TXNL1: variants seen among roughly 807,000 people sequenced by gnomAD.
TXNL1 encodes the protein thioredoxin like 1.
A neutral mutation model predicts 35.5 loss-of-function variants in TXNL1; 14 were observed. That is an observed-to-expected ratio of 0.39 (90% CI 0.26 to 0.62). TXNL1 has a LOEUF of 0.62. TXNL1 is among the 20% of genes least tolerant of loss of function. The pLI, the probability that TXNL1 is intolerant of heterozygous loss-of-function variation, is 0.47. For missense variants in TXNL1, 263 were observed against 349.7 expected, an observed-to-expected ratio of 0.75 and a Z score of 1.98; for synonymous variants, 110 against 115.5, an observed-to-expected ratio of 0.95 and a Z score of 0.31.
intron 1 of TXNL1, 97 bp downstream of exon 1, chr18:56,638,246 C>G (rs1213894994): frequency 4.5e-6 from 6 of 1,321,486 alleles, no homozygotes; most frequent in Non-Finnish European, 6.2e-6. Flanking sequence ...CCGGACACTC[C>G]GGGGCAGCAG....
At chr18:56,610,861 C>T (rs1352199632) in intron 7 of TXNL1, 132 bp downstream of exon 7, 2 of 575,706 alleles carry the variant, frequency 3.5e-6, no homozygotes, top group Admixed American at 4.1e-5. Flanking sequence ...CTAGTTTAGC[C>T]TTGTAAAATT....
rs996085987 is a variant in TXNL1 at position 56,630,169 on chromosome 18, C to T, written c.99-3712G>A. On this transcript the variant is annotated intron_variant, in intron 1 of 7. Coordinates refer to ENST00000217515, the MANE Select transcript of TXNL1 (RefSeq NM_004786.3). ...AGGTCACCAAGATCGTGCACTCCAG[C>T]CTGGGCAACAGAGCAAGACTCCAAC... Among the ~76,000 whole-genome samples the T allele has an allele frequency of 6.6e-5, 10 of 151,290 alleles. No homozygotes were observed. The East Asian group carries it at 1.9e-3, about 29-fold the overall frequency.
chr18:56,635,891 T>A (rs2024447643), intron 1 of TXNL1, among the ~76,000 whole-genome samples: 1 of 152,338 alleles, frequency 6.6e-6, no homozygotes, highest in South Asian at 2.1e-4. Context: ...TTAAATCATC[T>A]CTAGATTACT....
At chr18:56,616,627 A>G (rs553988273) in intron 4 of TXNL1, among the ~76,000 whole-genome samples, 1 of 152,336 alleles carries the variant, frequency 6.6e-6, no homozygotes, top group Non-Finnish European at 1.5e-5. Flanking sequence ...CAAATCAAAC[A>G]AAATTCTCAA....
At chr18:56,620,000 ACTCTGTCGCC>A (rs2024155041) in intron 3 of TXNL1, among the ~76,000 whole-genome samples, 4 of 152,022 alleles carry the variant, frequency 2.6e-5, no homozygotes, top group South Asian at 4.2e-4. Context: ...AGACATTCTC[ACTCTGTCGCC>A]CAGGCTGGAG....
intron 5 of TXNL1, among the ~76,000 whole-genome samples, chr18:56,615,676 T>C (rs1018232908): frequency 3.9e-5 from 6 of 152,154 alleles, no homozygotes; most frequent in Non-Finnish European, 8.8e-5. Context: ...GCTCAAAAGC[T>C]ACAGTTTTAG....
intron 1 of TXNL1, among the ~76,000 whole-genome samples, chr18:56,629,777 A>G (rs1211690223): frequency 6.6e-6 from 1 of 152,204 alleles, no homozygotes. Flanking sequence ...ATAGTACAAT[A>G]TATCCATTCA....
At chr18:56,624,133 C>T (rs1053521880) in intron 3 of TXNL1, among the ~76,000 whole-genome samples, 155 bp downstream of exon 3, 2 of 152,046 alleles carry the variant, frequency 1.3e-5, no homozygotes, top group Non-Finnish European at 2.9e-5. Context: ...ACAGACAAAA[C>T]TCAATAGTCA....
At chr18:56,634,149 T>G (rs888059690) in intron 1 of TXNL1, among the ~76,000 whole-genome samples, 1 of 152,070 alleles carries the variant, frequency 6.6e-6, no homozygotes, top group Non-Finnish European at 1.5e-5. Context: ...AAGTAACAAT[T>G]TGGAGACACT....
At chr18:56,636,393 A>T (rs1480981240) in intron 1 of TXNL1, among the ~76,000 whole-genome samples, 2 of 152,168 alleles carry the variant, frequency 1.3e-5, no homozygotes, top group Non-Finnish European at 2.9e-5. Flanking sequence ...CCCGTCATAT[A>T]CATAATTCTG....
At chr18:56,605,969 T>C (rs576722179) in intron 7 of TXNL1, among the ~76,000 whole-genome samples, 5 of 152,348 alleles carry the variant, frequency 3.3e-5, no homozygotes, top group African/African-American at 7.2e-5. Flanking sequence ...TGCTAAACAT[T>C]TGATCTACTT....
At position 56,598,595 on chromosome 18, in the gene TXNL1, G is replaced by C. The variant is rs1349407262; in HGVS notation, c.*4432C>G. 1 of 152,576 alleles carries C rather than the reference G, an allele frequency of 6.6e-6. No homozygotes were observed. The highest frequency in any genetic ancestry group is 1.5e-5 in the Non-Finnish European group (1 of 68,386). 9.5% of individuals were successfully genotyped at this position (152,576 alleles called of 1,614,324 possible). On this transcript the variant is annotated 3_prime_UTR_variant, in exon 8 of 8. Transcript: ENST00000217515. ...CATTACAAAGACCCCATAAAGAAAAGAGAACCAGCGGCCATGTGGGGGATA... is the reference window on the plus strand; with the variant it reads ...CATTACAAAGACCCCATAAAGAAAACAGAACCAGCGGCCATGTGGGGGATA...
At chr18:56,617,814 A>G (rs1052536786) in intron 4 of TXNL1, among the ~76,000 whole-genome samples, 190 bp downstream of exon 4, 3 of 152,166 alleles carry the variant, frequency 2.0e-5, no homozygotes, top group African/African-American at 7.2e-5. Flanking sequence ...CTGGCAGCCC[A>G]CATACAAGAA....
At chr18:56,627,862 A>T (rs1045741642) in intron 1 of TXNL1, among the ~76,000 whole-genome samples, 8 of 152,122 alleles carry the variant, frequency 5.3e-5, no homozygotes, top group African/African-American at 1.7e-4. Flanking sequence ...AGTACTAAAA[A>T]AAAAAAAAGG....
Position 56,602,581 on chromosome 18 carries a change from T to A in TXNL1, c.*446A>T, listed in dbSNP as rs566030546. On this transcript the variant is annotated 3_prime_UTR_variant, in exon 8 of 8. Coordinates refer to ENST00000217515, the MANE Select transcript of TXNL1 (RefSeq NM_004786.3). ...TTTCCATAGCTCAGATATACAAATG[T>A]CCTTTAATAAAAATGCAGTAATAAT... 1 of 163,926 alleles carries A rather than the reference T, an allele frequency of 6.1e-6. No individual in the cohort carries two copies. The highest frequency in any genetic ancestry group is 2.4e-5 in the African/African-American group (1 of 41,748). The allele number at this position is 163,926 out of a possible 1,614,324, so 10.2% of individuals were successfully genotyped here.
intron 1 of TXNL1, among the ~76,000 whole-genome samples, chr18:56,630,351 C>G (rs2024351637): frequency 6.6e-6 from 1 of 152,140 alleles, no homozygotes; most frequent in Admixed American, 6.6e-5. Flanking sequence ...ACAAAGCAGA[C>G]TGAAGTGGAG....
At chr18:56,635,568 A>G (rs1246943556) in intron 1 of TXNL1, among the ~76,000 whole-genome samples, 1 of 152,192 alleles carries the variant, frequency 6.6e-6, no homozygotes. Context: ...ACAAATTCAT[A>G]GAGACAGAAA....
At chr18:56,607,093 G>C (rs9956276) in intron 7 of TXNL1, among the ~76,000 whole-genome samples, 1 of 151,870 alleles carries the variant, frequency 6.6e-6, no homozygotes, top group Non-Finnish European at 1.5e-5. Flanking sequence ...GGGTTCAAGC[G>C]ATCTTCCCAC....
chr18:56,615,554 TA>T (rs1226554407), intron 5 of TXNL1, among the ~76,000 whole-genome samples: 1 of 151,612 alleles, frequency 6.6e-6, no homozygotes, highest in African/African-American at 2.4e-5. Flanking sequence ...TGTATCGATA[TA>T]AAAAAATGAT....
Sources: allele counts gnomAD v4.1 joint callset (sites outside exome capture counted in the v4.1 genomes callset), GRCh38; gene constraint gnomAD v4.1.1; transcripts MANE v1.5; gene names NCBI Gene and HGNC (gene_info 2026-07-23, HGNC 2026-07-21).